The following RAPGEF4 variants were observed in gnomAD, a reference collection of about 807,000 sequenced individuals.
The protein encoded by RAPGEF4 is Rap guanine nucleotide exchange factor 4, also known as RAP guanine-nucleotide-exchange factor (GEF) 4.
In RAPGEF4, 66 loss-of-function variants were observed where a neutral mutation model predicts 147.9. That is an observed-to-expected ratio of 0.45 (90% CI 0.37 to 0.55). RAPGEF4 has a LOEUF of 0.55. Among genes scored for constraint, RAPGEF4 ranks in the 20% least tolerant of loss-of-function variants. RAPGEF4 has a pLI of 0.00. For synonymous variants in RAPGEF4, 419 were observed against 442.7 expected, an observed-to-expected ratio of 0.95 and a Z score of 0.67; for missense variants, 1,071 against 1,257.3, an observed-to-expected ratio of 0.85 and a Z score of 2.24.
chr2:172,857,826 C>T lies in RAPGEF4; in HGVS notation c.444+43401C>T, dbSNP rs186990747. On this transcript the variant is annotated intron_variant, in intron 4 of 30. Transcript: ENST00000397081. ...AGCCCTGGAGAGTCTGAGACTGCAGCGAGCCATGACCTACGGCTGTACTCC... is the reference window on the plus strand; with the variant it reads ...AGCCCTGGAGAGTCTGAGACTGCAGTGAGCCATGACCTACGGCTGTACTCC... 3.4e-3 allele frequency among the ~76,000 whole-genome samples: 428 copies of T among 124,246 alleles called. 1 individual carries two copies. Among genetic ancestry groups the T allele is most frequent in the African/African-American group, 0.012 (408 of 33,548 alleles). 81.5% of individuals were successfully genotyped at this position (124,246 alleles called of 152,430 possible).
At chr2:172,963,007 C>G (rs563994677) in intron 8 of RAPGEF4, among the ~76,000 whole-genome samples, 2 of 152,198 alleles carry the variant, frequency 1.3e-5, no homozygotes, top group African/African-American at 4.8e-5. Flanking sequence ...GACTAAGAGG[C>G]CTCAGGAAAC....
intron 4 of RAPGEF4, among the ~76,000 whole-genome samples, chr2:172,882,104 T>A (rs1279974671): frequency 1.3e-5 from 2 of 152,252 alleles, no homozygotes; most frequent in African/African-American, 2.4e-5. Flanking sequence ...ATTTTTCTTC[T>A]AAACTTATAT....
At position 172,978,568 on chromosome 2, in the gene RAPGEF4, G is replaced by A. The variant is rs140282873; in HGVS notation, c.1005-4928G>A. ...CTGTCCACTACTGAGTGTGACAGGC[G>A]TGGAAAGGTAGGGGCCTGACCAAGT... is the stretch of plus-strand genomic sequence containing the variant. On this transcript the variant is annotated intron_variant, in intron 10 of 30. Transcript: ENST00000397081. Among the ~76,000 whole-genome samples, 24 of 152,324 alleles carry A rather than the reference G, an allele frequency of 1.6e-4. No homozygotes were observed. In the East Asian group the frequency reaches 2.3e-3, roughly 15 times the overall value.
intron 29 of RAPGEF4, among the ~76,000 whole-genome samples, chr2:173,047,738 G>A (rs956525796): frequency 3.3e-5 from 5 of 151,464 alleles, no homozygotes; most frequent in Middle Eastern, 3.4e-3. Flanking sequence ...GTGCAGTGGC[G>A]CGATCTCGGC....
chr2:172,765,500 C>G (rs1163986732), intron 1 of RAPGEF4, among the ~76,000 whole-genome samples: 2 of 152,170 alleles, frequency 1.3e-5, no homozygotes, highest in Non-Finnish European at 2.9e-5. Flanking sequence ...CCAGGATGGT[C>G]TTTTTACTTG....
intron 1 of RAPGEF4, among the ~76,000 whole-genome samples, chr2:172,754,154 AT>A (rs796967625): frequency 3.5e-4 from 53 of 152,022 alleles, no homozygotes; most frequent in African/African-American, 1.1e-3. Context: ...TTCCTGCAGT[AT>A]TTTTTTTGTG....
intron 1 of RAPGEF4, among the ~76,000 whole-genome samples, chr2:172,746,803 G>T (rs138191720): frequency 6.6e-6 from 1 of 151,978 alleles, no homozygotes; most frequent in Non-Finnish European, 1.5e-5. Context: ...AGTAGAGACA[G>T]GGTTTCACCA....
intron 3 of RAPGEF4, among the ~76,000 whole-genome samples, chr2:172,799,071 G>T: frequency 6.6e-6 from 1 of 152,276 alleles, no homozygotes; most frequent in East Asian, 1.9e-4. Flanking sequence ...CCTCAGTTTC[G>T]AATGGGAAGG....
chr2:172,893,066 CTGTCGGGCACCA>C (rs760157377), intron 4 of RAPGEF4, among the ~76,000 whole-genome samples: 177 of 152,346 alleles, frequency 1.2e-3, no homozygotes, highest in Non-Finnish European at 2.1e-3. Flanking sequence ...AAGCCCCCTT[CTGTCGGGCACCA>C]TGCTACAGGC....
intron 1 of RAPGEF4, among the ~76,000 whole-genome samples, chr2:172,767,242 G>A (rs1209418478): frequency 3.3e-5 from 5 of 149,818 alleles, no homozygotes; most frequent in South Asian, 4.2e-4. Context: ...GCAATGGCAC[G>A]ATCTTGGCTC....
intron 17 of RAPGEF4, among the ~76,000 whole-genome samples, chr2:173,004,092 T>C (rs1694211132): frequency 6.6e-6 from 1 of 152,222 alleles, no homozygotes; most frequent in Non-Finnish European, 1.5e-5. Context: ...AGGTAATTAC[T>C]AGCAGAGAAA....
At chr2:172,870,671 TGA>T (rs1417341349) in intron 4 of RAPGEF4, among the ~76,000 whole-genome samples, 1 of 152,170 alleles carries the variant, frequency 6.6e-6, no homozygotes, top group African/African-American at 2.4e-5. Context: ...AGTTTGACCA[TGA>T]CTATCACGAG....
At chr2:172,977,522 CG>C (rs1299506781) in intron 10 of RAPGEF4, among the ~76,000 whole-genome samples, 1 of 151,968 alleles carries the variant, frequency 6.6e-6, no homozygotes, top group East Asian at 1.9e-4. Context: ...ACAGCAGCTC[CG>C]AGCCAGCAGC....
intron 1 of RAPGEF4, among the ~76,000 whole-genome samples, chr2:172,757,572 G>T (rs1157173133): frequency 2.0e-5 from 3 of 152,050 alleles, no homozygotes; most frequent in Admixed American, 2.0e-4. Context: ...TAATCCTTTG[G>T]ATTTCGAATC....
intron 5 of RAPGEF4, among the ~76,000 whole-genome samples, chr2:172,919,536 C>A (rs1357411336): frequency 6.6e-6 from 1 of 152,034 alleles, no homozygotes; most frequent in Admixed American, 6.6e-5. Flanking sequence ...TACTTCTTCC[C>A]CCGCTTATGG....
At chr2:172,899,966 C>T (rs1698897767) in intron 4 of RAPGEF4, among the ~76,000 whole-genome samples, 1 of 152,160 alleles carries the variant, frequency 6.6e-6, no homozygotes, top group African/African-American at 2.4e-5. Flanking sequence ...CCCTGAGATG[C>T]AGCCCTTCCT....
chr2:172,808,114 C>G (rs1158676020), intron 3 of RAPGEF4, among the ~76,000 whole-genome samples: 1 of 152,184 alleles, frequency 6.6e-6, no homozygotes, highest in Non-Finnish European at 1.5e-5. Flanking sequence ...GCACAAGTGC[C>G]TTAGCTTGAA....
chr2:172,964,205 G>A (rs1052560284), intron 8 of RAPGEF4, among the ~76,000 whole-genome samples: 2 of 151,970 alleles, frequency 1.3e-5, no homozygotes, highest in Admixed American at 6.5e-5. Flanking sequence ...AAGCTCTAAT[G>A]TGCGGGTATA....
At chr2:172,783,640 G>T (rs959690168) in intron 1 of RAPGEF4, among the ~76,000 whole-genome samples, 1 of 152,146 alleles carries the variant, frequency 6.6e-6, no homozygotes, top group Non-Finnish European at 1.5e-5. Flanking sequence ...AAGAGCCTCA[G>T]CCGAGAGAGA....
Sources: gnomAD v4.1 joint callset for allele counts (sites outside exome capture counted in the v4.1 genomes callset) on GRCh38, gnomAD v4.1.1 for gene constraint, MANE v1.5 for transcripts, NCBI Gene and HGNC (gene_info 2026-07-23, HGNC 2026-07-21) for gene names.